The following LSAMP variants were observed in gnomAD, a reference collection of about 807,000 sequenced individuals.
LSAMP encodes the protein limbic system-associated membrane protein.
In LSAMP, 7 loss-of-function variants were observed where a neutral mutation model predicts 38.6. The observed-to-expected ratio is 0.18, with a 90% confidence interval of 0.10 to 0.34. LSAMP has a LOEUF of 0.34. LSAMP is among the 10% of genes least tolerant of loss of function. The pLI, the probability that LSAMP is intolerant of heterozygous loss-of-function variation, is 1.00. For missense variants in LSAMP, 313 were observed against 420.0 expected (o/e 0.75, Z 2.23); for synonymous variants, 154 against 166.8 (o/e 0.92, Z 0.59).
chr3:116,057,687 T>C (rs1182258234), intron 2 of LSAMP, among the ~76,000 whole-genome samples: 2 of 152,190 alleles, frequency 1.3e-5, no homozygotes, highest in Admixed American at 6.5e-5. Flanking sequence ...TTTCCCATTG[T>C]ATGCAGAAGC....
chr3:116,133,442 A>G (rs1264043492), intron 1 of LSAMP, among the ~76,000 whole-genome samples: 1 of 151,950 alleles, frequency 6.6e-6, no homozygotes, highest in Non-Finnish European at 1.5e-5. Context: ...AGTGTGTGGC[A>G]CCATGCCTGG....
At chr3:116,336,896 T>C (rs2047926301) in intron 1 of LSAMP, among the ~76,000 whole-genome samples, 1 of 151,734 alleles carries the variant, frequency 6.6e-6, no homozygotes, top group Non-Finnish European at 1.5e-5. Flanking sequence ...AATGCAAGTG[T>C]TCATTAAAAA....
At chr3:115,844,024 T>A (rs1326348269) in intron 4 of LSAMP, among the ~76,000 whole-genome samples, 4 of 152,020 alleles carry the variant, frequency 2.6e-5, no homozygotes, top group African/African-American at 9.7e-5. Flanking sequence ...AAACTAGGAG[T>A]CCTGGGACTT....
At chr3:116,060,308 A>G (rs1477294112) in intron 2 of LSAMP, among the ~76,000 whole-genome samples, 1 of 152,018 alleles carries the variant, frequency 6.6e-6, no homozygotes, top group Non-Finnish European at 1.5e-5. Flanking sequence ...TCACAAATAC[A>G]TCAAATATAC....
intron 1 of LSAMP, among the ~76,000 whole-genome samples, chr3:116,321,936 T>C (rs1200405723): frequency 1.3e-5 from 2 of 152,198 alleles, no homozygotes; most frequent in East Asian, 3.8e-4. Context: ...GGTTTAGTGA[T>C]GCTTATTTCA....
intron 1 of LSAMP, among the ~76,000 whole-genome samples, chr3:116,149,171 G>A (rs1290033671): frequency 6.6e-6 from 1 of 152,026 alleles, no homozygotes; most frequent in Non-Finnish European, 1.5e-5. Flanking sequence ...TGGCCCTCAT[G>A]CCCTCAATGT....
Position 115,969,163 on chromosome 3 carries a change from G to A in LSAMP, c.514+50352C>T, listed in dbSNP as rs138301433. Among the ~76,000 whole-genome samples the A allele has an allele frequency of 5.3e-5, 8 of 152,324 alleles. No homozygotes were observed. In the East Asian group the frequency reaches 1.5e-3, roughly 29 times the overall value. Reference sequence around the variant, plus strand: ...AGGTACTGTGATTGCTCATCTGATTGTTGGTTCTTATAAAGGTGCTTTCAT... The same window carrying A: ...AGGTACTGTGATTGCTCATCTGATTATTGGTTCTTATAAAGGTGCTTTCAT... On this transcript the variant is annotated intron_variant, in intron 3 of 6. Transcript: ENST00000490035.
At chr3:116,191,971 A>G (rs1710764504) in intron 1 of LSAMP, among the ~76,000 whole-genome samples, 1 of 152,126 alleles carries the variant, frequency 6.6e-6, no homozygotes, top group South Asian at 2.1e-4. Context: ...TAGCTTCTCC[A>G]TCTGCATACT....
intron 1 of LSAMP, among the ~76,000 whole-genome samples, chr3:116,174,426 G>A (rs575352495): frequency 1.1e-4 from 16 of 151,092 alleles, no homozygotes; most frequent in Admixed American, 5.9e-4. Flanking sequence ...TTGAAATCTC[G>A]AAACAGATAT....
intron 1 of LSAMP, among the ~76,000 whole-genome samples, chr3:116,339,767 T>A (rs1331822940): frequency 6.6e-6 from 1 of 152,058 alleles, no homozygotes. Context: ...ACTGTAAGCA[T>A]TTTGGCTGAC....
At chr3:116,341,670 T>C (rs1417076867) in intron 1 of LSAMP, among the ~76,000 whole-genome samples, 1 of 152,014 alleles carries the variant, frequency 6.6e-6, no homozygotes, top group Non-Finnish European at 1.5e-5. Flanking sequence ...GTTTGCAATA[T>C]GATATGGCTG....
chr3:115,900,512 CAAAAAAAAAAAAAA>C (rs5851983), intron 3 of LSAMP, among the ~76,000 whole-genome samples: 1 of 74,352 alleles, frequency 1.3e-5, no homozygotes, highest in Non-Finnish European at 2.8e-5. Flanking sequence ...TGAGACTGTC[CAAAAAAAAAAAAAA>C]AAAAAAAATG....
chr3:116,299,432 C>G (rs1295424695), intron 1 of LSAMP, among the ~76,000 whole-genome samples: 1 of 152,230 alleles, frequency 6.6e-6, no homozygotes, highest in Admixed American at 6.5e-5. Flanking sequence ...CACTGACTGA[C>G]TGAGAAAGTA....
chr3:116,234,804 A>G (rs1312353221), intron 1 of LSAMP, among the ~76,000 whole-genome samples: 1 of 152,030 alleles, frequency 6.6e-6, no homozygotes, highest in Non-Finnish European at 1.5e-5. Flanking sequence ...TTTTTTTTCT[A>G]TTACTTAAAT....
chr3:115,924,289 T>C (rs1453954191), intron 3 of LSAMP, among the ~76,000 whole-genome samples: 1 of 152,166 alleles, frequency 6.6e-6, no homozygotes, highest in Non-Finnish European at 1.5e-5. Flanking sequence ...CATCTAATCT[T>C]CTTTATTTGG....
At chr3:116,295,957 T>G (rs1364751255) in intron 1 of LSAMP, among the ~76,000 whole-genome samples, 2 of 152,182 alleles carry the variant, frequency 1.3e-5, no homozygotes, top group Non-Finnish European at 2.9e-5. Context: ...GGATGAGACA[T>G]TAAAATCTAG....
At chr3:115,918,814 G>T (rs560974730) in intron 3 of LSAMP, among the ~76,000 whole-genome samples, 1 of 150,934 alleles carries the variant, frequency 6.6e-6, no homozygotes, top group South Asian at 2.1e-4. Flanking sequence ...AATTTGGCCA[G>T]ATCAGATAAT....
intron 4 of LSAMP, among the ~76,000 whole-genome samples, chr3:115,851,529 C>T (rs1288421527): frequency 6.6e-6 from 1 of 152,232 alleles, no homozygotes; most frequent in African/African-American, 2.4e-5. Context: ...TATATAAAAT[C>T]TCTGGCACAT....
chr3:116,272,768 C>CTAAG (rs1203068994), intron 1 of LSAMP, among the ~76,000 whole-genome samples: 1 of 151,948 alleles, frequency 6.6e-6, no homozygotes, highest in Non-Finnish European at 1.5e-5. Flanking sequence ...AGAATCTGTC[C>CTAAG]TAAGTAAGTG....
Sources: gnomAD v4.1 joint callset for allele counts (sites outside exome capture counted in the v4.1 genomes callset) on GRCh38, gnomAD v4.1.1 for gene constraint, MANE v1.5 for transcripts, NCBI Gene and HGNC (gene_info 2026-07-23, HGNC 2026-07-21) for gene names.